Variants in SLIT3 observed in about 807,000 individuals in gnomAD.
SLIT3 encodes slit homolog 3 protein.
In SLIT3, 68 loss-of-function variants were observed where a neutral mutation model predicts 184.0. The ratio of observed to expected loss-of-function variants is 0.37; its 90% CI spans 0.30 to 0.45. SLIT3 has a LOEUF of 0.45. Among genes scored for constraint, SLIT3 ranks in the 20% least tolerant of loss-of-function variants. SLIT3 has a pLI of 1.00. For missense variants in SLIT3, 1,707 were observed against 2,026.0 expected (o/e 0.84, Z 3.02); for synonymous variants, 831 against 828.6 (o/e 1.00, Z -0.05).
chr5:168,972,761 A>G (rs1754623954), intron 4 of SLIT3, among the ~76,000 whole-genome samples: 1 of 152,094 alleles, frequency 6.6e-6, no homozygotes, highest in Non-Finnish European at 1.5e-5. Context: ...GTTTTAACTC[A>G]GAGTTTGCTT....
intron 4 of SLIT3, among the ~76,000 whole-genome samples, chr5:169,036,746 C>T (rs1323033822): frequency 3.3e-5 from 5 of 152,200 alleles, no homozygotes; most frequent in South Asian, 2.1e-4. Flanking sequence ...ATAAACCAAA[C>T]GCCAGACCTG....
chr5:168,744,134 A>G (rs775231066), intron 20 of SLIT3, among the ~76,000 whole-genome samples: 2 of 152,070 alleles, frequency 1.3e-5, no homozygotes, highest in Non-Finnish European at 2.9e-5. Flanking sequence ...CTAAAAATAC[A>G]AAAAATTAGC....
intron 9 of SLIT3, among the ~76,000 whole-genome samples, chr5:168,804,272 T>C (rs1756873072): frequency 7.5e-6 from 1 of 132,726 alleles, no homozygotes; most frequent in Non-Finnish European, 1.5e-5. Context: ...ATTGTGTCAT[T>C]GTACTCCAGC....
intron 11 of SLIT3, among the ~76,000 whole-genome samples, chr5:168,788,849 G>A (rs1019756653): frequency 6.6e-6 from 1 of 152,006 alleles, no homozygotes; most frequent in Non-Finnish European, 1.5e-5. Context: ...TACTGTACAC[G>A]TGATCATCAT....
chr5:168,754,916 A>C (rs544536658), intron 16 of SLIT3, among the ~76,000 whole-genome samples: 1 of 152,340 alleles, frequency 6.6e-6, no homozygotes, highest in Non-Finnish European at 1.5e-5. Flanking sequence ...TTCAAGAGGA[A>C]GGCAGGAGAA....
intron 4 of SLIT3, among the ~76,000 whole-genome samples, chr5:168,996,534 T>C (rs888735259): frequency 1.3e-5 from 2 of 152,232 alleles, no homozygotes; most frequent in African/African-American, 4.8e-5. Context: ...TGTTTGCATA[T>C]ATCTGGGGCT....
intron 1 of SLIT3, among the ~76,000 whole-genome samples, chr5:169,284,609 A>T (rs964394298): frequency 5.3e-5 from 8 of 152,218 alleles, no homozygotes; most frequent in African/African-American, 1.7e-4. Flanking sequence ...CAGTTACTAT[A>T]GTACCCATTT....
intron 2 of SLIT3, among the ~76,000 whole-genome samples, chr5:169,249,043 A>T (rs1765688988): frequency 6.6e-6 from 1 of 152,190 alleles, no homozygotes; most frequent in Non-Finnish European, 1.5e-5. Flanking sequence ...TAAATAAGAA[A>T]CAGATATGGG....
At chr5:169,155,919 C>G (rs1283555755) in intron 4 of SLIT3, among the ~76,000 whole-genome samples, 1 of 152,214 alleles carries the variant, frequency 6.6e-6, no homozygotes, top group African/African-American at 2.4e-5. Context: ...TTCAGGACAC[C>G]AGTCCAGAGA....
rs533426050 is a variant in SLIT3, at chr5:169,044,316, A to T, written c.413+149163T>A. Among the ~76,000 whole-genome samples the T allele has an allele frequency of 3.9e-5, 6 of 152,310 alleles. No individual in the cohort carries two copies. The South Asian group carries it at 6.2e-4, about 16-fold the overall frequency. ...ATACCTAATACAACTGAAAACATAC[A>T]TGCACACAGAAACTTGCATATCATT... is the stretch of plus-strand genomic sequence containing the variant. On this transcript the variant is annotated intron_variant, in intron 4 of 35. Transcript: ENST00000519560.
At chr5:168,834,170 C>G (rs1561958057) in intron 6 of SLIT3, among the ~76,000 whole-genome samples, 1 of 152,120 alleles carries the variant, frequency 6.6e-6, no homozygotes, top group Non-Finnish European at 1.5e-5. Flanking sequence ...TGCCGCATCT[C>G]TAGTATACCT....
chr5:168,849,091 G>A (rs1217558831), intron 5 of SLIT3, among the ~76,000 whole-genome samples: 1 of 152,200 alleles, frequency 6.6e-6, no homozygotes, highest in Non-Finnish European at 1.5e-5. Context: ...GGATTTCAAT[G>A]ATGCATTTAA....
chr5:168,901,757 TATATA>T lies in SLIT3; in HGVS notation c.414-18426_414-18422del, dbSNP rs1760881963. Among the ~76,000 whole-genome samples, 3 of 152,136 alleles carry T rather than the reference TATATA, an allele frequency of 2.0e-5. No homozygotes were observed. In the South Asian group the frequency reaches 6.2e-4, roughly 32 times the overall value. On this transcript the variant is annotated intron_variant, in intron 4 of 35. Transcript: ENST00000519560. ...ATCCTCCCTGTGTGTCTCTCTGCTG[TATATA>T]AAGAGGGCAGGGCGTGAGGGAAGTC... is the stretch of plus-strand genomic sequence containing the variant.
chr5:169,107,030 C>CCCTAATCCAAA (rs1760237477), intron 4 of SLIT3, among the ~76,000 whole-genome samples: 1 of 152,218 alleles, frequency 6.6e-6, no homozygotes, highest in South Asian at 2.1e-4. Flanking sequence ...AATCCAAGGC[C>CCCTAATCCAAA]GCCTGCCCTG....
Position 168,663,737 on chromosome 5 carries a change from G to C in SLIT3, c.*2717C>G, listed in dbSNP as rs1387270757. The C allele has an allele frequency of 6.6e-6, 1 of 152,132 alleles. No homozygotes were observed. Among genetic ancestry groups the C allele is most frequent in the Admixed American group, 6.5e-5 (1 of 15,274 alleles). The allele number at this position is 152,132 out of a possible 1,614,324, so 9.4% of individuals were successfully genotyped here. A position where few individuals can be genotyped will look rare whatever the true frequency, so the allele number is the denominator to read the frequency against. On this transcript the variant is annotated 3_prime_UTR_variant, in exon 36 of 36. Transcript: ENST00000519560. ...GCCATATCTCATTGCTTTTTAAAAG[G>C]CCACTCCCAGGAAAGTTCAATTCCC...
chr5:169,193,541 GT>G lies in SLIT3; in HGVS notation c.350del (p.Asn117ThrfsTer22), dbSNP rs752596469. The G allele has an allele frequency of 6.2e-7, 1 of 1,613,988 alleles. No homozygotes were observed. The highest frequency in any genetic ancestry group is 1.1e-5 in the South Asian group (1 of 91,064). ...DLKQLERLRL[N>X]KNKLQVLPEL... is the part of the protein sequence containing the mutation. ...CTGGAAGGACTTGCAGCTTATTCTTGTTCAGGCGCCTAAAGAGGAAAGAGAA... is the reference window on the plus strand; with the variant it reads ...CTGGAAGGACTTGCAGCTTATTCTTGTCAGGCGCCTAAAGAGGAAAGAGAA... On this transcript the variant is annotated frameshift_variant, in exon 4 of 36. Transcript: ENST00000519560. LOFTEE classifies it high-confidence loss of function.
intron 2 of SLIT3, among the ~76,000 whole-genome samples, chr5:169,247,602 G>T (rs1050636429): frequency 6.6e-6 from 1 of 152,148 alleles, no homozygotes; most frequent in Admixed American, 6.5e-5. Context: ...ATCTATATGA[G>T]ATACACCGTT....
chr5:168,892,849 C>T (rs960613322), intron 4 of SLIT3, among the ~76,000 whole-genome samples: 1 of 152,208 alleles, frequency 6.6e-6, no homozygotes, highest in Non-Finnish European at 1.5e-5. Context: ...TCACTAATCC[C>T]TGGGATTATC....
At chr5:168,717,462 C>G (rs949034652) in intron 23 of SLIT3, among the ~76,000 whole-genome samples, 1 of 152,038 alleles carries the variant, frequency 6.6e-6, no homozygotes, top group Non-Finnish European at 1.5e-5. Context: ...TTTCAGGTAT[C>G]GCCTTGTGTT....
Sources: allele counts gnomAD v4.1 joint callset (sites outside exome capture counted in the v4.1 genomes callset), GRCh38; gene constraint gnomAD v4.1.1; transcripts MANE v1.5; gene names NCBI Gene and HGNC (gene_info 2026-07-23, HGNC 2026-07-21).